Variants in ZBBX observed in about 807,000 individuals in gnomAD.
ZBBX encodes zinc finger B-box domain containing.
Under a neutral mutation model 108.5 loss-of-function variants are expected in ZBBX, and 101 were observed. That is an observed-to-expected ratio of 0.93 (90% CI 0.79 to 1.10). The LOEUF (loss-of-function observed/expected upper bound fraction) is 1.10. Among genes scored for constraint, ZBBX ranks in the 50% least tolerant of loss-of-function variants. The pLI, the probability that ZBBX is intolerant of heterozygous loss-of-function variation, is 0.00. For synonymous variants in ZBBX, 356 were observed against 323.4 expected (o/e 1.10, Z -1.08); for missense variants, 1,009 against 941.4 (o/e 1.07, Z -0.94).
At chr3:167,375,835 A>C (rs1023641245) in intron 2 of ZBBX, among the ~76,000 whole-genome samples, 7 of 152,210 alleles carry the variant, frequency 4.6e-5, no homozygotes, top group Admixed American at 2.0e-4. Context: ...AAATGGAATT[A>C]CACAAAATAA....
chr3:167,205,674 T>C, the ZBBX span, among the ~76,000 whole-genome samples: 1 of 152,210 alleles, frequency 6.6e-6, no homozygotes, highest in Non-Finnish European at 1.5e-5. Flanking sequence ...ATATTTTGTC[T>C]GCATTTTACA....
chr3:167,277,204 A>C (rs1400712600), intron 20 of ZBBX, among the ~76,000 whole-genome samples: 9 of 152,144 alleles, frequency 5.9e-5, no homozygotes, highest in Non-Finnish European at 8.8e-5. Flanking sequence ...CAAAATAACC[A>C]GCCAACATCA....
chr3:167,213,215 G>A, the ZBBX span, among the ~76,000 whole-genome samples: 6 of 152,066 alleles, frequency 3.9e-5, no homozygotes, highest in Admixed American at 2.6e-4. Flanking sequence ...GACAGAAATA[G>A]AATTCAGAAT....
intron 21 of ZBBX, 138 bp from the exon 22 acceptor site, chr3:167,241,057 T>C: frequency 2.4e-6 from 2 of 829,834 alleles, no homozygotes; most frequent in Non-Finnish European, 3.5e-6. Context: ...ACTGGGGCCA[T>C]AATTTTCAAT....
At chr3:167,180,575 C>T in the ZBBX span, among the ~76,000 whole-genome samples, 1 of 152,162 alleles carries the variant, frequency 6.6e-6, no homozygotes, top group Non-Finnish European at 1.5e-5. Flanking sequence ...AGTATATCCT[C>T]CATATAATGA....
At chr3:167,288,049 C>T (rs1177088014) in intron 19 of ZBBX, among the ~76,000 whole-genome samples, 2 of 152,014 alleles carry the variant, frequency 1.3e-5, no homozygotes, top group South Asian at 4.2e-4. Flanking sequence ...ACTGTGAGCT[C>T]AATAAGATCA....
At chr3:167,301,653 T>G (rs1317517500) in intron 17 of ZBBX, among the ~76,000 whole-genome samples, 1 of 152,164 alleles carries the variant, frequency 6.6e-6, no homozygotes, top group Non-Finnish European at 1.5e-5. Context: ...TATTTTAATT[T>G]TTTCATTAAC....
At chr3:167,369,517 A>C (rs1483554119) in intron 4 of ZBBX, among the ~76,000 whole-genome samples, 5 of 152,206 alleles carry the variant, frequency 3.3e-5, no homozygotes, top group Admixed American at 6.5e-5. Flanking sequence ...GGTTCAGAGA[A>C]GCTGGCTAAG....
At chr3:167,330,966 C>CTCTCTCTCTCTCT (rs1738499559) in intron 10 of ZBBX, among the ~76,000 whole-genome samples, 3 of 18,760 alleles carry the variant, frequency 1.6e-4, no homozygotes, top group Non-Finnish European at 3.3e-4. Context: ...TCTCTCTCTC[C>CTCTCTCTCTCTCT]CCCACTCCCC....
intron 15 of ZBBX, 138 bp from the exon 16 acceptor site, chr3:167,314,254 A>T (rs890951593): frequency 9.1e-6 from 6 of 657,426 alleles, no homozygotes; most frequent in Non-Finnish European, 1.4e-5. Flanking sequence ...TATTTATTTT[A>T]ACCTTATGTG....
intron 14 of ZBBX, among the ~76,000 whole-genome samples, chr3:167,316,510 G>C (rs1735483378): frequency 6.6e-6 from 1 of 151,752 alleles, no homozygotes; most frequent in Non-Finnish European, 1.5e-5. Flanking sequence ...TGATGCTATT[G>C]GTGTCTTCTA....
chr3:167,375,918 G>A (rs1469113089), intron 2 of ZBBX, among the ~76,000 whole-genome samples: 1 of 152,162 alleles, frequency 6.6e-6, no homozygotes, highest in East Asian at 1.9e-4. Flanking sequence ...CCACAAACAT[G>A]TATTTAACTG....
intron 1 of ZBBX, among the ~76,000 whole-genome samples, chr3:167,390,120 C>T (rs1459277714): frequency 6.6e-6 from 1 of 151,890 alleles, no homozygotes; most frequent in Non-Finnish European, 1.5e-5. Flanking sequence ...GTCTTTAATC[C>T]ATCTTGAGTT....
At chr3:167,241,680 G>C (rs369178209) in intron 21 of ZBBX, among the ~76,000 whole-genome samples, 1 of 152,098 alleles carries the variant, frequency 6.6e-6, no homozygotes, top group East Asian at 1.9e-4. Context: ...AGGAGTTTCA[G>C]ACCTACCTAG....
At chr3:167,281,744 T>C (rs1256479705) in intron 20 of ZBBX, among the ~76,000 whole-genome samples, 2 of 152,200 alleles carry the variant, frequency 1.3e-5, no homozygotes, top group East Asian at 3.8e-4. Flanking sequence ...CCTGGGTATT[T>C]GTTAGATATG....
rs1435726277 is a variant in ZBBX, at chr3:167,317,061, C to T, written c.1138G>A (p.Glu380Lys). 5.6e-6 allele frequency: 9 copies of T among 1,610,954 alleles called. No individual in the cohort carries two copies. Among genetic ancestry groups the T allele is most frequent in the Non-Finnish European group, 6.8e-6 (8 of 1,178,074 alleles). ...VQHTALLLPVETLNIERPEPS... is the reference protein window; with the variant it reads ...VQHTALLLPVKTLNIERPEPS... The stretch of plus-strand genomic sequence containing the variant: ...TCAGGTCTCTCTATGTTTAATGTTT[C>T]TACTGGCAATAAAAGAGCTGTGTGT... The change falls in exon 14 of 22, where the codon GAA becomes AAA. Residue 380 changes from glutamate (E) to lysine (K), a missense_variant. Physicochemically the swap from Glu to Lys is moderately conservative, Grantham distance 56. Transcript: ENST00000675490.
rs1405295969 is a variant in ZBBX, at chr3:167,288,870, T to C, written c.1993A>G (p.Met665Val). 1 of 1,530,564 alleles carries C rather than the reference T, an allele frequency of 6.5e-7. No individual in the cohort carries two copies. The highest frequency in any genetic ancestry group is 8.8e-7 in the Non-Finnish European group (1 of 1,133,938). 94.8% of individuals were successfully genotyped at this position (1,530,564 alleles called of 1,614,324 possible). Residue 665 changes from methionine (M) to valine (V), a missense_variant, in exon 19 of 22, where the codon ATG becomes GTG. By Grantham distance (21) the Met-to-Val change is conservative. Coordinates refer to ENST00000675490, the MANE Select transcript of ZBBX (RefSeq NM_001199201.2). ...GCTGCCTTTGAGTCAATGTTACCCATCTTTTGCTGTTTTCTACTTGATGAT... is the reference window on the plus strand; with the variant it reads ...GCTGCCTTTGAGTCAATGTTACCCACCTTTTGCTGTTTTCTACTTGATGAT... ...SPSSSRKQQK[M>V]GQKSQRPSTA... is the part of the protein sequence containing the mutation.
chr3:167,273,654 G>A (rs1726946604), intron 20 of ZBBX, among the ~76,000 whole-genome samples: 1 of 152,046 alleles, frequency 6.6e-6, no homozygotes, highest in Admixed American at 6.5e-5. Flanking sequence ...TGGTGTTATG[G>A]TGGACCCTTA....
intron 11 of ZBBX, among the ~76,000 whole-genome samples, chr3:167,327,432 C>A (rs1189294684): frequency 6.6e-6 from 1 of 152,096 alleles, no homozygotes; most frequent in Non-Finnish European, 1.5e-5. Flanking sequence ...AAATGCAAAT[C>A]CCCCTAGTGC....
Sources: gnomAD v4.1 joint callset for allele counts (sites outside exome capture counted in the v4.1 genomes callset) on GRCh38, gnomAD v4.1.1 for gene constraint, MANE v1.5 for transcripts, NCBI Gene and HGNC (gene_info 2026-07-23, HGNC 2026-07-21) for gene names.